Variants in CALML3 observed in about 807,000 individuals in gnomAD.
The protein encoded by CALML3 is calmodulin-like protein 3.
For synonymous variants in CALML3, 98 were observed against 89.9 expected (o/e 1.09, Z -0.51); for missense variants, 198 against 214.1 (o/e 0.92, Z 0.47).
chr10:5,525,596 T>TCCC lies in CALML3; in HGVS notation c.*62_*64dup. 54 of 1,464,422 alleles carry TCCC rather than the reference T, an allele frequency of 3.7e-5. No homozygotes were observed. The highest frequency in any genetic ancestry group is 4.5e-5 in the Non-Finnish European group (49 of 1,098,860). 90.7% of individuals were successfully genotyped at this position (1,464,422 alleles called of 1,614,324 possible). On this transcript the variant is annotated 3_prime_UTR_variant, in exon 1 of 1. Transcript: ENST00000315238. ...GCCCACAGGGCAAGAACCCGGGGCC[T>TCCC]CCCGCCTCCTCCCCCATCCCCCTGC...
Position 5,525,481 on chromosome 10 carries a change from C to T in CALML3, c.396C>T (p.Asp132=), listed in dbSNP as rs745729276. 13 of 1,612,802 alleles carry T rather than the reference C, an allele frequency of 8.1e-6. No homozygotes were observed. In the Admixed American group the frequency reaches 1.7e-4, roughly 21 times the overall value. Residue 132 remains aspartate, a synonymous_variant, in exon 1 of 1, where the codon GAC becomes GAT. Transcript: ENST00000315238. The stretch of plus-strand genomic sequence containing the variant: ...AGATGATCCGGGCCGCGGACACGGA[C>T]GGAGACGGACAGGTGAACTACGAGG... ...VDEMIRAADT[D]GDGQVNYEEF...
rs1833587193 is a variant in CALML3, at chr10:5,526,327, G to A, written c.*792G>A. The A allele has an allele frequency of 6.0e-6, 1 of 166,596 alleles. No individual in the cohort carries two copies. The highest frequency in any genetic ancestry group is 6.6e-5 in the Admixed American group (1 of 15,240). The allele number at this position is 166,596 out of a possible 1,614,324, so 10.3% of individuals were successfully genotyped here. On this transcript the variant is annotated 3_prime_UTR_variant, in exon 1 of 1. Coordinates refer to ENST00000315238, the MANE Select transcript of CALML3 (RefSeq NM_005185.4). ...TCCTTGTTAAATTCAGGGTTGAAAC[G>A]AGGCAGGAATCTCCATTTTTGTGCT...
In CALML3 at chr10:5,525,591, G is replaced by A; in HGVS notation, c.*56G>A. ...ACGCGGCCCACAGGGCAAGAACCCG[G>A]GGCCTCCCGCCTCCTCCCCCATCCC... On this transcript the variant is annotated 3_prime_UTR_variant, in exon 1 of 1. Transcript: ENST00000315238. 6.7e-7 allele frequency: 1 copy of A among 1,493,534 alleles called. No individual in the cohort carries two copies. Among genetic ancestry groups the A allele is most frequent in the East Asian group, 2.4e-5 (1 of 41,662 alleles). The allele number at this position is 1,493,534 out of a possible 1,614,324, so 92.5% of individuals were successfully genotyped here.
chr10:5,525,214 C>T lies in CALML3; in HGVS notation c.129C>T (p.Asn43=), dbSNP rs200238498. 4 of 1,613,932 alleles carry T rather than the reference C, an allele frequency of 2.5e-6. No individual in the cohort carries two copies. The highest frequency in any genetic ancestry group is 3.4e-6 in the Non-Finnish European group (4 of 1,179,990). ...CGGTCATGCGGTCCCTGGGCCAGAA[C>T]CCCACGGAGGCCGAGCTGCGGGACA... ...LGTVMRSLGQ[N]PTEAELRDMM... Residue 43 remains asparagine (N), a synonymous_variant, in exon 1 of 1, where the codon AAC becomes AAT. Transcript: ENST00000315238.
At position 5,525,218 on chromosome 10, in the gene CALML3, A is replaced by T. The variant is rs1470822100; in HGVS notation, c.133A>T (p.Thr45Ser). 1.2e-6 allele frequency: 2 copies of T among 1,613,732 alleles called. No individual in the cohort carries two copies. The highest frequency in any genetic ancestry group is 1.7e-6 in the Non-Finnish European group (2 of 1,179,974). ...TVMRSLGQNP[T>S]EAELRDMMSE... is the part of the protein sequence containing the mutation. Reference sequence around the variant, plus strand: ...CATGCGGTCCCTGGGCCAGAACCCCACGGAGGCCGAGCTGCGGGACATGAT... The same window carrying T: ...CATGCGGTCCCTGGGCCAGAACCCCTCGGAGGCCGAGCTGCGGGACATGAT... The change falls in exon 1 of 1, where the codon ACG becomes TCG. Residue 45 changes from threonine (T) to serine (S), a missense_variant. Thr to Ser is a moderately conservative substitution (Grantham distance 58). Coordinates refer to ENST00000315238, the MANE Select transcript of CALML3 (RefSeq NM_005185.4).
At position 5,525,119 on chromosome 10, in the gene CALML3, G is replaced by A; in HGVS notation, c.34G>A (p.Glu12Lys). The A allele has an allele frequency of 6.2e-7, 1 of 1,611,416 alleles. No individual in the cohort carries two copies. Among genetic ancestry groups the A allele is most frequent in the South Asian group, 1.1e-5 (1 of 90,946 alleles). Residue 12 changes from glutamate (E) to lysine (K), a missense_variant, in exon 1 of 1, where the codon GAA (glutamate) becomes AAA (lysine). By Grantham distance (56) the Glu-to-Lys change is moderately conservative. Coordinates refer to ENST00000315238, the MANE Select transcript of CALML3 (RefSeq NM_005185.4). ...ADQLTEEQVT[E>K]FKEAFSLFDK... ...CCAGCTGACTGAGGAGCAGGTCACAGAATTCAAGGAGGCCTTCTCCCTGTT... is the reference window on the plus strand; with the variant it reads ...CCAGCTGACTGAGGAGCAGGTCACAAAATTCAAGGAGGCCTTCTCCCTGTT...
Position 5,525,881 on chromosome 10 carries a change from C to G in CALML3, c.*346C>G. ...ACGGACACCGGGTGACCCCTTAGGGCACCCAGGCAAGATCCCTAAGAGGCA... is the reference window on the plus strand; with the variant it reads ...ACGGACACCGGGTGACCCCTTAGGGGACCCAGGCAAGATCCCTAAGAGGCA... On this transcript the variant is annotated 3_prime_UTR_variant, in exon 1 of 1. Transcript: ENST00000315238. 1 of 740,706 alleles carries G rather than the reference C, an allele frequency of 1.4e-6. No homozygotes were observed. The highest frequency in any genetic ancestry group is 1.8e-6 in the Non-Finnish European group (1 of 561,256). The allele number at this position is 740,706 out of a possible 1,614,324, so 45.9% of individuals were successfully genotyped here.
rs2131388462 is a variant in CALML3 at position 5,525,789 on chromosome 10, G to C, written c.*254G>C. ...CAAACCGTGACGCCCTCCCCACTCG[G>C]GAGAAGCAGAGCTGACCTTAGGACC... On this transcript the variant is annotated 3_prime_UTR_variant, in exon 1 of 1. Transcript: ENST00000315238. The C allele has an allele frequency of 7.1e-7, 1 of 1,398,728 alleles. No homozygotes were observed. Among genetic ancestry groups the C allele is most frequent in the East Asian group, 2.7e-5 (1 of 36,536 alleles). 86.6% of individuals were successfully genotyped at this position (1,398,728 alleles called of 1,614,324 possible).
Position 5,525,391 on chromosome 10 carries a change from C to G in CALML3, c.306C>G (p.Ser102Arg). ...VFDKDGNGFVSAAELRHVMTR... is the reference protein window; with the variant it reads ...VFDKDGNGFVRAAELRHVMTR... ...ACAAGGACGGCAACGGCTTCGTCAG[C>G]GCCGCCGAGCTGCGACACGTCATGA... The change falls in exon 1 of 1, where the codon AGC becomes AGG. Residue 102 changes from serine (S) to arginine (R), a missense_variant. Transcript: ENST00000315238. 1 of 1,613,724 alleles carries G rather than the reference C, an allele frequency of 6.2e-7. No individual in the cohort carries two copies. Among genetic ancestry groups the G allele is most frequent in the Non-Finnish European group, 8.5e-7 (1 of 1,179,972 alleles).
At position 5,525,085 on chromosome 10, in the gene CALML3, C is replaced by A; in HGVS notation, c.-1C>A. On this transcript the variant is annotated 5_prime_UTR_variant, in exon 1 of 1. Transcript: ENST00000315238. ...CTGCCACCCACGCCCCCACCCCTGG[C>A]ATGGCCGACCAGCTGACTGAGGAGC... 6.3e-7 allele frequency: 1 copy of A among 1,593,142 alleles called. No homozygotes were observed. Among genetic ancestry groups the A allele is most frequent in the Non-Finnish European group, 8.6e-7 (1 of 1,166,446 alleles).
chr10:5,526,379 C>A lies in CALML3; in HGVS notation c.*844C>A, dbSNP rs537061408. ...TTTGAAAATGCAATGAATTCCTATA[C>A]GGGGGAGCGGGAAAGGTGCCTCAGA... On this transcript the variant is annotated 3_prime_UTR_variant, in exon 1 of 1. Coordinates refer to ENST00000315238, the MANE Select transcript of CALML3 (RefSeq NM_005185.4). The A allele has an allele frequency of 6.0e-6, 1 of 166,212 alleles. No individual in the cohort carries two copies. The highest frequency in any genetic ancestry group is 1.5e-5 in the Non-Finnish European group (1 of 68,016). 10.3% of individuals were successfully genotyped at this position (166,212 alleles called of 1,614,324 possible).
Position 5,525,176 on chromosome 10 carries a change from C to T in CALML3, c.91C>T (p.Arg31Cys). The change falls in exon 1 of 1, where the codon CGC (arginine) becomes TGC (cysteine). Residue 31 changes from arginine (R) to cysteine (C), a missense_variant. Coordinates refer to ENST00000315238, the MANE Select transcript of CALML3 (RefSeq NM_005185.4). The part of the protein sequence containing the change: ...DKDGDGCITT[R>C]ELGTVMRSLG... ...GGATGGGGACGGCTGCATCACCACC[C>T]GCGAGCTGGGCACGGTCATGCGGTC... is the stretch of plus-strand genomic sequence containing the variant. 1 of 1,613,868 alleles carries T rather than the reference C, an allele frequency of 6.2e-7. No homozygotes were observed. Among genetic ancestry groups the T allele is most frequent in the Non-Finnish European group, 8.5e-7 (1 of 1,179,956 alleles).
At position 5,525,370 on chromosome 10, in the gene CALML3, G is replaced by A. The variant is rs143468855; in HGVS notation, c.285G>A (p.Lys95=). ...EIREAFRVFD[K]DGNGFVSAAE... ...GCGAGGCCTTCCGCGTGTTCGACAA[G>A]GACGGCAACGGCTTCGTCAGCGCCG... Residue 95 remains lysine (K), a synonymous_variant, in exon 1 of 1, where the codon AAG becomes AAA. Coordinates refer to ENST00000315238, the MANE Select transcript of CALML3 (RefSeq NM_005185.4). 32 of 1,613,842 alleles carry A rather than the reference G, an allele frequency of 2.0e-5. No individual in the cohort carries two copies. Among genetic ancestry groups the A allele is most frequent in the Non-Finnish European group, 2.3e-5 (27 of 1,180,006 alleles).
Position 5,525,729 on chromosome 10 carries a change from C to T in CALML3, c.*194C>T. 2.1e-6 allele frequency: 3 copies of T among 1,445,664 alleles called. No individual in the cohort carries two copies. The highest frequency in any genetic ancestry group is 9.1e-7 in the Non-Finnish European group (1 of 1,097,626). 89.6% of individuals were successfully genotyped at this position (1,445,664 alleles called of 1,614,324 possible). On this transcript the variant is annotated 3_prime_UTR_variant, in exon 1 of 1. Transcript: ENST00000315238. Reference sequence around the variant, plus strand: ...GCACTCCTGCCGACCTTCCCACCTGCTCGTCTGAATGACACGGAACGCTCC... The same window carrying T: ...GCACTCCTGCCGACCTTCCCACCTGTTCGTCTGAATGACACGGAACGCTCC...
rs760200931 is a variant in CALML3, at chr10:5,525,184, G to C, written c.99G>C (p.Leu33=). 3.1e-6 allele frequency: 5 copies of C among 1,613,944 alleles called. No individual in the cohort carries two copies. Among genetic ancestry groups the C allele is most frequent in the Non-Finnish European group, 2.5e-6 (3 of 1,179,982 alleles). ...ACGGCTGCATCACCACCCGCGAGCT[G>C]GGCACGGTCATGCGGTCCCTGGGCC... ...DGDGCITTRE[L]GTVMRSLGQN... is the part of the protein sequence containing the mutation. Residue 33 remains leucine, a synonymous_variant, in exon 1 of 1, where the codon CTG becomes CTC. Transcript: ENST00000315238.
chr10:5,525,137 T>TC lies in CALML3; in HGVS notation c.55dup (p.Leu19ProfsTer3). On this transcript the variant is annotated frameshift_variant, in exon 1 of 1. Transcript: ENST00000315238. LOFTEE classifies it low-confidence loss of function (END_TRUNC). ...GGTCACAGAATTCAAGGAGGCCTTC[T>TC]CCCTGTTTGACAAGGATGGGGACGG... The TC allele has an allele frequency of 6.2e-7, 1 of 1,613,156 alleles. No homozygotes were observed. Among genetic ancestry groups the TC allele is most frequent in the Non-Finnish European group, 8.5e-7 (1 of 1,179,446 alleles).
Position 5,525,424 on chromosome 10 carries a change from G to A in CALML3, c.339G>A (p.Leu113=), listed in dbSNP as rs776584205. ...AGCTGCGACACGTCATGACCCGGCT[G>A]GGGGAGAAGCTGAGTGACGAGGAGG... ...AAELRHVMTR[L]GEKLSDEEVD... Residue 113 remains leucine (L), a synonymous_variant, in exon 1 of 1, where the codon CTG becomes CTA. Transcript: ENST00000315238. 22 of 1,613,794 alleles carry A rather than the reference G, an allele frequency of 1.4e-5. No individual in the cohort carries two copies. Among genetic ancestry groups the A allele is most frequent in the African/African-American group, 4.0e-5 (3 of 74,934 alleles).
rs1171720431 is a variant in CALML3 at position 5,526,193 on chromosome 10, T to A, written c.*658T>A. The stretch of plus-strand genomic sequence containing the variant: ...GTCAGCTGTAACCTGTTCCTATTCA[T>A]CTGGAAGGAGGGAGGCTTGGATGAG... On this transcript the variant is annotated 3_prime_UTR_variant, in exon 1 of 1. Coordinates refer to ENST00000315238, the MANE Select transcript of CALML3 (RefSeq NM_005185.4). 3.0e-5 allele frequency: 5 copies of A among 166,894 alleles called. No individual in the cohort carries two copies. 10.3% of individuals were successfully genotyped at this position (166,894 alleles called of 1,614,324 possible).
chr10:5,525,828 G>A lies in CALML3; in HGVS notation c.*293G>A, dbSNP rs1833578986. ...GACCTTAGGACCGAGCACCAGGGCA[G>A]GTTGCGCTGACTCTGCGGCCCTCCA... On this transcript the variant is annotated 3_prime_UTR_variant, in exon 1 of 1. Coordinates refer to ENST00000315238, the MANE Select transcript of CALML3 (RefSeq NM_005185.4). 3 of 1,261,476 alleles carry A rather than the reference G, an allele frequency of 2.4e-6. No homozygotes were observed. The South Asian group carries it at 6.7e-5, about 28-fold the overall frequency. 78.1% of individuals were successfully genotyped at this position (1,261,476 alleles called of 1,614,324 possible).
Sources: gnomAD v4.1 joint callset for allele counts on GRCh38, gnomAD v4.1.1 for gene constraint, MANE v1.5 for transcripts, NCBI Gene and HGNC (gene_info 2026-07-23, HGNC 2026-07-21) for gene names.